C3orf52: variants seen among roughly 807,000 people sequenced by gnomAD.
The protein encoded by C3orf52 is TPA-induced transmembrane protein.
C3orf52 carries 22 observed loss-of-function variants against 24.8 expected under a neutral mutation model. The observed-to-expected ratio is 0.89, with a 90% CI of 0.63 to 1.27. C3orf52 has a LOEUF of 1.27. Ranked by LOEUF, C3orf52 falls within the 50% of genes most tolerant of loss-of-function variation. C3orf52 has a pLI of 0.00. For synonymous variants in C3orf52, 93 were observed against 100.2 expected, an observed-to-expected ratio of 0.93 and a Z score of 0.43; for missense variants, 265 against 260.7, an observed-to-expected ratio of 1.02 and a Z score of -0.11.
At chr3:112,130,477 C>T (rs1230278077), downstream of C3orf52, 7 of 1,614,038 alleles carry the variant, frequency 4.3e-6, no homozygotes, top group East Asian at 2.2e-5. Flanking sequence ...TTTGCATTCT[C>T]ACATTCCAAG....
At chr3:112,120,137 G>A (rs948903659), downstream of C3orf52, among the ~76,000 whole-genome samples, 2 of 152,232 alleles carry the variant, frequency 1.3e-5, no homozygotes, top group Non-Finnish European at 2.9e-5. Flanking sequence ...AGAGAATTCT[G>A]TAGGAAAGTA....
chr3:112,087,436 A>G (rs1017325664), intron 1 of C3orf52, among the ~76,000 whole-genome samples: 6 of 152,048 alleles, frequency 3.9e-5, no homozygotes, highest in Admixed American at 3.9e-4. Flanking sequence ...AACTCCTAAG[A>G]TTGGCTTGAG....
At chr3:112,122,022 A>G (rs1481370257), downstream of C3orf52, 1 of 152,248 alleles carries the variant, frequency 6.6e-6, no homozygotes, top group Non-Finnish European at 1.5e-5. Flanking sequence ...AGTAGCCGTG[A>G]GTTAAATAAA....
At chr3:112,135,671 C>T (rs924850118), downstream of C3orf52, among the ~76,000 whole-genome samples, 8 of 152,184 alleles carry the variant, frequency 5.3e-5, no homozygotes, top group Non-Finnish European at 8.8e-5. Flanking sequence ...TCACTAGCCC[C>T]TGCAAGACAG....
chr3:112,087,139 G>A (rs1187041833), intron 1 of C3orf52, among the ~76,000 whole-genome samples: 1 of 152,066 alleles, frequency 6.6e-6, no homozygotes, highest in Non-Finnish European at 1.5e-5. Context: ...AGGGGAGAAG[G>A]GGTAGGGCTG....
intron 2 of C3orf52, among the ~76,000 whole-genome samples, chr3:112,094,010 T>C (rs2073903718): frequency 6.6e-6 from 1 of 152,160 alleles, no homozygotes; most frequent in Non-Finnish European, 1.5e-5. Context: ...TATTTTTTTT[T>C]TTGAGAGAAA....
chr3:112,092,445 A>G (rs2107775128), intron 1 of C3orf52, among the ~76,000 whole-genome samples: 1 of 152,304 alleles, frequency 6.6e-6, no homozygotes, highest in East Asian at 1.9e-4. Flanking sequence ...GAGTCATGGG[A>G]CCATATAGGG....
chr3:112,121,684 A>G (rs1425689854), downstream of C3orf52: 2 of 152,222 alleles, frequency 1.3e-5, no homozygotes, highest in African/African-American at 2.4e-5. Context: ...AATTTTGCTA[A>G]AAGTAGGAAG....
chr3:112,118,274 A>C (rs1443667093), downstream of C3orf52: 1 of 152,116 alleles, frequency 6.6e-6, no homozygotes, highest in Non-Finnish European at 1.5e-5. Context: ...TTTGCAGTAA[A>C]TGGTGTTGAG....
chr3:112,117,970 A>G lies in C3orf52; in HGVS notation c.*1324A>G, dbSNP rs2074153318. The G allele has an allele frequency of 6.6e-6, 1 of 152,254 alleles. No individual in the cohort carries two copies. The highest frequency in any genetic ancestry group is 2.4e-5 in the African/African-American group (1 of 41,470). 9.4% of individuals were successfully genotyped at this position (152,254 alleles called of 1,614,324 possible). On this transcript the variant is annotated 3_prime_UTR_variant, in exon 6 of 6. Coordinates refer to ENST00000264848, the MANE Select transcript of C3orf52 (RefSeq NM_024616.3). The stretch of plus-strand genomic sequence containing the variant: ...ATTTGACTTGAGTTCTTTATGACCC[A>G]GGACTCTGGATAATGTGAATTTGCT...
chr3:112,130,080 A>T (rs1250422449), downstream of C3orf52: 1 of 209,276 alleles, frequency 4.8e-6, no homozygotes, highest in African/African-American at 2.2e-5. Flanking sequence ...GTCACTTCAG[A>T]AATAGACACC....
At chr3:112,126,647 G>T (rs1365793042) in intron 4 of C3orf52, among the ~76,000 whole-genome samples, 1 of 152,152 alleles carries the variant, frequency 6.6e-6, no homozygotes, top group Non-Finnish European at 1.5e-5. Context: ...TCTTTAACTT[G>T]GCCAGGAGGC....
chr3:112,101,801 C>T (rs928013709), intron 2 of C3orf52, among the ~76,000 whole-genome samples: 3 of 152,188 alleles, frequency 2.0e-5, no homozygotes, highest in African/African-American at 7.2e-5. Context: ...CCTGGTTCCT[C>T]CCACCTACGC....
downstream of C3orf52, chr3:112,119,376 A>T (rs1480750206): frequency 1.0e-5 from 6 of 587,464 alleles, no homozygotes; most frequent in Non-Finnish European, 1.8e-5. Flanking sequence ...ACTCCATAAC[A>T]AACAAACAAA....
chr3:112,116,608 C>T, intron 5 of C3orf52, 34 bp from the exon 6 acceptor site: 1 of 1,507,198 alleles, frequency 6.6e-7, no homozygotes, highest in East Asian at 2.3e-5. Flanking sequence ...TTTTAAAAAT[C>T]AGTAACTTTT....
intron 4 of C3orf52, chr3:112,109,894 A>G (rs781050470): frequency 1.5e-5 from 5 of 324,166 alleles, no homozygotes; most frequent in Non-Finnish European, 2.9e-5. Flanking sequence ...ATTTCTGTTT[A>G]ACAATGAATG....
At chr3:112,093,218 T>C (rs2073895206) in intron 1 of C3orf52, 142 bp from the exon 2 acceptor site, 6 of 753,568 alleles carry the variant, frequency 8.0e-6, no homozygotes, top group Admixed American at 3.4e-5. Flanking sequence ...GATCTCTCTT[T>C]TTGAAAACTT....
chr3:112,086,549 A>G lies in C3orf52; in HGVS notation c.138+4A>G. On this transcript the variant is annotated splice_donor_region_variant and intron_variant, in intron 1 of 5. Transcript: ENST00000264848. ...CGAGGAGGTCCCCCCGGCCGAGGTA[A>G]GGTCCCCTTGGCGCTGGCCCTAACT... The G allele has an allele frequency of 6.5e-7, 1 of 1,550,330 alleles. No individual in the cohort carries two copies. Among genetic ancestry groups the G allele is most frequent in the Non-Finnish European group, 8.7e-7 (1 of 1,146,376 alleles).
downstream of C3orf52, among the ~76,000 whole-genome samples, chr3:112,119,142 G>A (rs1405111737): frequency 6.6e-6 from 1 of 152,140 alleles, no homozygotes; most frequent in African/African-American, 2.4e-5. Context: ...CAGCACTTTG[G>A]GAGGCCGAGG....
Sources: gnomAD v4.1 joint callset for allele counts (sites outside exome capture counted in the v4.1 genomes callset) on GRCh38, gnomAD v4.1.1 for gene constraint, MANE v1.5 for transcripts, NCBI Gene and HGNC (gene_info 2026-07-23, HGNC 2026-07-21) for gene names.